ZNG1C: variants seen among roughly 807,000 people sequenced by gnomAD.
ZNG1C encodes Zn regulated GTPase metalloprotein activator 1C, also known as zinc-regulated GTPase metalloprotein activator 1C.
At chr9:68,285,408 A>G in the ZNG1C span, 10 of 146,288 alleles carry the variant, frequency 6.8e-5, no homozygotes, top group Admixed American at 6.2e-4. Context: ...TGCCATGTTG[A>G]TCTTCTTGTG....
chr9:68,270,801 T>A, the ZNG1C span: 4 of 150,602 alleles, frequency 2.7e-5, 1 homozygote, highest in Admixed American at 2.6e-4. Flanking sequence ...GAGAATGGCG[T>A]GAACCCGGGA....
chr9:68,270,993 C>T, the ZNG1C span: 1 of 143,050 alleles, frequency 7.0e-6, no homozygotes. Flanking sequence ...ATTTTTTTAC[C>T]ATTTTGTAGC....
At chr9:68,269,104 G>C in the ZNG1C span, 1 of 1,374,174 alleles carries the variant, frequency 7.3e-7, no homozygotes, top group Non-Finnish European at 9.8e-7. Flanking sequence ...AAAAGATTTG[G>C]ATCCAAAATG....
the ZNG1C span, among the ~76,000 whole-genome samples, chr9:68,255,999 A>G: frequency 9.2e-5 from 14 of 152,304 alleles, no homozygotes; most frequent in African/African-American, 3.1e-4. Context: ...TCAGGAAACC[A>G]TTAGATCTTG....
At chr9:68,257,375 ATTG>A in the ZNG1C span, among the ~76,000 whole-genome samples, 1 of 110,682 alleles carries the variant, frequency 9.0e-6, no homozygotes, top group Non-Finnish European at 1.9e-5. Flanking sequence ...GGTTAAGCTT[ATTG>A]TTGTTCATTC....
the ZNG1C span, among the ~76,000 whole-genome samples, chr9:68,284,192 GT>G: frequency 6.7e-6 from 1 of 150,328 alleles, no homozygotes; most frequent in Non-Finnish European, 1.5e-5. Flanking sequence ...CTGGCCTCAA[GT>G]GATTCTCCTA....
At chr9:68,281,278 T>C in the ZNG1C span, among the ~76,000 whole-genome samples, 1 of 152,276 alleles carries the variant, frequency 6.6e-6, no homozygotes, top group African/African-American at 2.4e-5. Flanking sequence ...CAGATGGAAA[T>C]GGAGAAATCG....
At chr9:68,297,074 T>C in the ZNG1C span, among the ~76,000 whole-genome samples, 1,056 of 137,558 alleles carry the variant, frequency 7.7e-3, 6 homozygotes, top group African/African-American at 0.022. Context: ...AAATTTACTT[T>C]GGTTTTGAGT....
the ZNG1C span, chr9:68,253,613 C>CT: frequency 2.7e-3 from 361 of 135,500 alleles, 2 homozygotes; most frequent in African/African-American, 9.4e-3. Flanking sequence ...GGCTGGATTT[C>CT]TTTGTCCAAT....
At chr9:68,249,952 A>AAAC in the ZNG1C span, among the ~76,000 whole-genome samples, 1 of 34,762 alleles carries the variant, frequency 2.9e-5, no homozygotes, top group Non-Finnish European at 6.1e-5. Context: ...GTAAGAAAGA[A>AAAC]TATATTGTAT....
chr9:68,293,333 C>G, the ZNG1C span, among the ~76,000 whole-genome samples: 1 of 152,110 alleles, frequency 6.6e-6, no homozygotes, highest in Non-Finnish European at 1.5e-5. Context: ...TACCTCACAT[C>G]TCAATACTAA....
At chr9:68,263,121 TG>T in the ZNG1C span, among the ~76,000 whole-genome samples, 108 of 147,752 alleles carry the variant, frequency 7.3e-4, no homozygotes, top group African/African-American at 2.7e-3. Context: ...TAATCAAGCT[TG>T]TTAAATAAAA....
At chr9:68,275,962 C>T in the ZNG1C span, among the ~76,000 whole-genome samples, 2 of 150,020 alleles carry the variant, frequency 1.3e-5, no homozygotes, top group Non-Finnish European at 3.0e-5. Context: ...CTCTCCAGCA[C>T]CTGTTGTTTC....
the ZNG1C span, among the ~76,000 whole-genome samples, chr9:68,257,695 CCTTA>C: frequency 8.8e-6 from 1 of 114,072 alleles, no homozygotes; most frequent in African/African-American, 3.5e-5. Flanking sequence ...AACACTCCTC[CCTTA>C]CTTTATTTAC....
chr9:68,255,343 AG>A, the ZNG1C span, among the ~76,000 whole-genome samples: 348 of 16,008 alleles, frequency 0.022, no homozygotes, highest in African/African-American at 0.063. Context: ...ACTAGATGCC[AG>A]TAGCATTCCC....
At chr9:68,284,895 ATTTTTTTTTT>A in the ZNG1C span, among the ~76,000 whole-genome samples, 1 of 127,466 alleles carries the variant, frequency 7.8e-6, no homozygotes, top group Non-Finnish European at 1.6e-5. Context: ...TCGTTGTTAG[ATTTTTTTTTT>A]TTTTTTTTTT....
chr9:68,288,647 A>ATT, the ZNG1C span, among the ~76,000 whole-genome samples: 2,029 of 56,356 alleles, frequency 0.036, no homozygotes, highest in Non-Finnish European at 0.042. Flanking sequence ...TAATTTTTGT[A>ATT]TTTTTTTTTT....
chr9:68,281,288 G>A, the ZNG1C span, among the ~76,000 whole-genome samples: 3 of 152,368 alleles, frequency 2.0e-5, no homozygotes, highest in East Asian at 5.8e-4. Flanking sequence ...TGGAGAAATC[G>A]CCTGTCTTCT....
At chr9:68,267,123 T>C in the ZNG1C span, among the ~76,000 whole-genome samples, 3 of 152,354 alleles carry the variant, frequency 2.0e-5, no homozygotes, top group East Asian at 3.9e-4. Context: ...TTATCTTTAA[T>C]GTGTACAATG....
Sources: allele counts gnomAD v4.1 joint callset (sites outside exome capture counted in the v4.1 genomes callset), GRCh38; gene constraint gnomAD v4.1.1; transcripts MANE v1.5; gene names NCBI Gene and HGNC (gene_info 2026-07-23, HGNC 2026-07-21).